The following COLEC12 variants were observed in gnomAD, a reference collection of about 807,000 sequenced individuals.
The protein encoded by COLEC12 is collectin-12.
In COLEC12, 33 loss-of-function variants were observed where a neutral mutation model predicts 71.1. That is an observed-to-expected ratio of 0.46 (90% CI 0.35 to 0.62). The LOEUF is 0.62. Among genes scored for constraint, COLEC12 ranks in the 20% least tolerant of loss-of-function variants. COLEC12 has a pLI of 0.00. For synonymous variants in COLEC12, 350 were observed against 353.0 expected (o/e 0.99, Z 0.10); for missense variants, 765 against 916.1 (o/e 0.84, Z 2.13).
chr18:472,177 A>G (rs371961020), intron 2 of COLEC12, among the ~76,000 whole-genome samples: 100 of 152,302 alleles, frequency 6.6e-4, no homozygotes, highest in African/African-American at 2.3e-3. Context: ...CAGAGAGGCT[A>G]AGTCGCCCAA....
At chr18:335,349 C>T in intron 5 of COLEC12, 119 bp from the exon 6 acceptor site, 1 of 1,057,612 alleles carries the variant, frequency 9.5e-7, no homozygotes, top group Non-Finnish European at 1.3e-6. Context: ...GTATATACAG[C>T]AGGGAAAGAC....
intron 2 of COLEC12, among the ~76,000 whole-genome samples, chr18:382,607 C>T (rs1363539390): frequency 6.6e-6 from 1 of 152,182 alleles, no homozygotes; most frequent in Admixed American, 6.5e-5. Flanking sequence ...CTTATTAGCA[C>T]TAATCCCCCC....
chr18:432,812 C>T (rs531822812), intron 2 of COLEC12, among the ~76,000 whole-genome samples: 2 of 152,316 alleles, frequency 1.3e-5, no homozygotes, highest in East Asian at 1.9e-4. Flanking sequence ...GCGCTCACCT[C>T]CCCAAGCAAA....
intron 2 of COLEC12, among the ~76,000 whole-genome samples, chr18:465,324 G>A (rs757922209): frequency 9.2e-5 from 14 of 152,060 alleles, no homozygotes; most frequent in Non-Finnish European, 2.1e-4. Context: ...GCTGGTCTCA[G>A]ACTCCTGACC....
At chr18:358,945 C>T (rs149610374) in intron 2 of COLEC12, among the ~76,000 whole-genome samples, 9 of 152,256 alleles carry the variant, frequency 5.9e-5, no homozygotes, top group African/African-American at 1.7e-4. Flanking sequence ...TTGACTGAAA[C>T]GTTACGTGGC....
chr18:389,625 T>C (rs1408356436), intron 2 of COLEC12, among the ~76,000 whole-genome samples: 1 of 151,874 alleles, frequency 6.6e-6, no homozygotes, highest in Non-Finnish European at 1.5e-5. Flanking sequence ...CTATATATAC[T>C]GAAATGAAAA....
At chr18:347,853 A>G (rs894030615) in intron 4 of COLEC12, among the ~76,000 whole-genome samples, 6 of 152,138 alleles carry the variant, frequency 3.9e-5, no homozygotes, top group African/African-American at 9.7e-5. Flanking sequence ...TTGGCACATA[A>G]TAGTTTTCTT....
At chr18:397,468 C>T (rs566757032) in intron 2 of COLEC12, among the ~76,000 whole-genome samples, 2 of 152,224 alleles carry the variant, frequency 1.3e-5, no homozygotes, top group East Asian at 3.9e-4. Flanking sequence ...ATCCCTGTGT[C>T]CTAGTTAGAT....
At chr18:397,620 G>T (rs1009532804) in intron 2 of COLEC12, among the ~76,000 whole-genome samples, 1 of 152,166 alleles carries the variant, frequency 6.6e-6, no homozygotes, top group African/African-American at 2.4e-5. Flanking sequence ...TGCTGTTTTT[G>T]TCAGTTTGGT....
chr18:486,529 C>A (rs931484056), intron 1 of COLEC12, among the ~76,000 whole-genome samples: 2 of 152,144 alleles, frequency 1.3e-5, no homozygotes, highest in African/African-American at 4.8e-5. Flanking sequence ...AACCAAGGGT[C>A]AGAGAAATTA....
At chr18:404,432 C>T (rs539475456) in intron 2 of COLEC12, among the ~76,000 whole-genome samples, 3 of 152,088 alleles carry the variant, frequency 2.0e-5, no homozygotes, top group South Asian at 2.1e-4. Context: ...TGTTGTAAGC[C>T]GCGGCTTTTT....
chr18:349,005 A>C (rs1380900416), intron 3 of COLEC12, among the ~76,000 whole-genome samples: 29 of 152,280 alleles, frequency 1.9e-4, no homozygotes. Context: ...GGTAGTGAAT[A>C]AGTCTCACAA....
At chr18:490,462 G>T (rs1917600284) in intron 1 of COLEC12, among the ~76,000 whole-genome samples, 1 of 152,180 alleles carries the variant, frequency 6.6e-6, no homozygotes, top group African/African-American at 2.4e-5. Flanking sequence ...TCTGGGGAAT[G>T]GAAAATGAAA....
chr18:323,950 C>G (rs1290190446), intron 8 of COLEC12, among the ~76,000 whole-genome samples: 1 of 152,068 alleles, frequency 6.6e-6, no homozygotes. Context: ...ATCTTTATCG[C>G]CTTTCTCCAT....
At chr18:435,805 A>G (rs923248202) in intron 2 of COLEC12, among the ~76,000 whole-genome samples, 4 of 152,212 alleles carry the variant, frequency 2.6e-5, no homozygotes, top group Non-Finnish European at 5.9e-5. Context: ...CAAAATGCAA[A>G]AAGTGTAGAA....
intron 2 of COLEC12, among the ~76,000 whole-genome samples, chr18:395,246 C>T (rs1311370650): frequency 6.6e-6 from 1 of 152,220 alleles, no homozygotes; most frequent in Admixed American, 6.5e-5. Context: ...CATGCATCAG[C>T]AAAGACACTC....
intron 2 of COLEC12, among the ~76,000 whole-genome samples, chr18:392,249 A>C (rs1170520862): frequency 6.6e-6 from 1 of 152,326 alleles, no homozygotes; most frequent in East Asian, 1.9e-4. Flanking sequence ...GGGCATGGCT[A>C]TCATTACCTA....
chr18:487,843 C>A (rs1047165959), intron 1 of COLEC12, among the ~76,000 whole-genome samples: 2 of 152,158 alleles, frequency 1.3e-5, no homozygotes, highest in African/African-American at 4.8e-5. Flanking sequence ...GTGATGGTCA[C>A]AATTCACAAA....
intron 3 of COLEC12, among the ~76,000 whole-genome samples, chr18:353,702 T>C (rs1425186891): frequency 1.3e-5 from 2 of 152,242 alleles, no homozygotes; most frequent in Non-Finnish European, 2.9e-5. Flanking sequence ...CACACGTTTT[T>C]GTACCAGACT....
Sources: allele counts gnomAD v4.1 joint callset (sites outside exome capture counted in the v4.1 genomes callset), GRCh38; gene constraint gnomAD v4.1.1; transcripts MANE v1.5; gene names NCBI Gene and HGNC (gene_info 2026-07-23, HGNC 2026-07-21).